The following PRDM11 variants were observed in gnomAD, a reference collection of about 807,000 sequenced individuals.
PRDM11 encodes the protein PR domain-containing protein 11.
A neutral mutation model predicts 97.8 loss-of-function variants in PRDM11; 20 were observed. That is an observed-to-expected ratio of 0.20 (90% CI 0.14 to 0.30). PRDM11 has a LOEUF of 0.30. PRDM11 is among the 10% of genes least tolerant of loss of function. The pLI is 1.00. For missense variants in PRDM11, 1,139 were observed against 1,555.2 expected, an observed-to-expected ratio of 0.73 and a Z score of 4.50; for synonymous variants, 599 against 637.7, an observed-to-expected ratio of 0.94 and a Z score of 0.91.
At chr11:45,123,272 A>C (rs1228226846) in intron 1 of PRDM11, among the ~76,000 whole-genome samples, 1 of 151,826 alleles carries the variant, frequency 6.6e-6, no homozygotes, top group Non-Finnish European at 1.5e-5. Flanking sequence ...GATTGCAAAA[A>C]TTTTCTCCCA....
upstream of PRDM11, among the ~76,000 whole-genome samples, chr11:45,094,587 AGGGAG>A (rs139677664): frequency 0.11 from 9,241 of 84,738 alleles, 512 homozygotes; most frequent in Middle Eastern, 0.23. Context: ...GGAGAAGGAA[AGGGAG>A]GGGAGGGGAG....
chr11:45,227,093 G>T lies in PRDM11; in HGVS notation c.2468G>T (p.Arg823Leu), dbSNP rs780830634. The T allele has an allele frequency of 6.5e-7, 1 of 1,533,936 alleles. No individual in the cohort carries two copies. Among genetic ancestry groups the T allele is most frequent in the South Asian group, 1.2e-5 (1 of 83,966 alleles). Residue 823 changes from arginine (R) to leucine (L), a missense_variant, in exon 8 of 8, where the codon CGG (arginine) becomes CTG (leucine). Transcript: ENST00000683152. The surrounding 1 kb of genome is among the most constrained non-coding windows in gnomAD (Gnocchi z 8.0). ...CEETEFLGDI[R>L]AVRWIIGEQN... is the part of the protein sequence containing the mutation. ...GAGACAGAGTTCCTGGGCGATATCC[G>T]GGCAGTGCGGTGGATCATCGGCGAG...
At position 45,181,807 on chromosome 11, in the gene PRDM11, C is replaced by T; in HGVS notation, c.41C>T (p.Ala14Val). ...AAGGAGTGCTTGGCCCAGACCAATG[C>T]AGCCGTGGGGGATATGGTGACGGTG... ...NMKECLAQTN[A>V]AVGDMVTVVK... Residue 14 changes from alanine (A) to valine (V), a missense_variant, in exon 2 of 8, where the codon GCA becomes GTA. Around this residue, in one of 2 missense-constraint regions of PRDM11, gnomAD observed 429 missense variants for 510.3 expected, o/e 0.84. Transcript: ENST00000683152. 1 of 1,613,592 alleles carries T rather than the reference C, an allele frequency of 6.2e-7. No individual in the cohort carries two copies. Among genetic ancestry groups the T allele is most frequent in the East Asian group, 2.2e-5 (1 of 44,860 alleles).
At chr11:45,160,017 C>G (rs1851892629) in intron 1 of PRDM11, among the ~76,000 whole-genome samples, 2 of 152,206 alleles carry the variant, frequency 1.3e-5, no homozygotes, top group Non-Finnish European at 2.9e-5. Flanking sequence ...CATTGAAGAT[C>G]CACAACTCCA....
chr11:45,112,650 A>G (rs1029783091), intron 1 of PRDM11, among the ~76,000 whole-genome samples: 1 of 152,206 alleles, frequency 6.6e-6, no homozygotes, highest in Admixed American at 6.5e-5. Context: ...GTAAGGTGGT[A>G]TCTCATTGTG....
intron 1 of PRDM11, among the ~76,000 whole-genome samples, chr11:45,150,992 C>T (rs1565266991): frequency 6.6e-6 from 1 of 152,318 alleles, no homozygotes; most frequent in Non-Finnish European, 1.5e-5. Flanking sequence ...AGAACCCTGG[C>T]AGTCTGAGGC....
In PRDM11 at chr11:45,213,375, G is replaced by A. The variant is rs1294650846; in HGVS notation, c.555-6195G>A. On this transcript the variant is annotated intron_variant, in intron 5 of 7. Coordinates refer to ENST00000683152, the MANE Select transcript of PRDM11 (RefSeq NM_001384648.1). Reference sequence around the variant, plus strand: ...CGCAACAGTGGGGAGCATCCGAATGGAGTCCCACTTTCCAACCTTGGGGCT... The same window carrying A: ...CGCAACAGTGGGGAGCATCCGAATGAAGTCCCACTTTCCAACCTTGGGGCT... 5 of 448,842 alleles carry A rather than the reference G, an allele frequency of 1.1e-5. No individual in the cohort carries two copies. The East Asian group carries it at 3.5e-4, about 32-fold the overall frequency. The allele number at this position is 448,842 out of a possible 1,614,324, so 27.8% of individuals were successfully genotyped here.
chr11:45,189,952 G>A (rs775150119), intron 4 of PRDM11, among the ~76,000 whole-genome samples: 1 of 152,168 alleles, frequency 6.6e-6, no homozygotes, highest in Non-Finnish European at 1.5e-5. Context: ...ACGAGCAGGT[G>A]CTTTTCATGC....
chr11:45,191,759 G>A (rs1852921007), intron 4 of PRDM11, among the ~76,000 whole-genome samples: 1 of 152,016 alleles, frequency 6.6e-6, no homozygotes, highest in African/African-American at 2.4e-5. Flanking sequence ...TGAATGGTAG[G>A]TGTGCAATTG....
chr11:45,098,248 C>G (rs1354768664), intron 1 of PRDM11, among the ~76,000 whole-genome samples: 1 of 152,216 alleles, frequency 6.6e-6, no homozygotes, highest in Non-Finnish European at 1.5e-5. Flanking sequence ...AAGGAAAACT[C>G]ACACAGTGCT....
chr11:45,156,728 A>G (rs957233586), intron 1 of PRDM11, among the ~76,000 whole-genome samples: 4 of 152,176 alleles, frequency 2.6e-5, no homozygotes, highest in Non-Finnish European at 5.9e-5. Context: ...TGGCTTGCTC[A>G]TGGATATGGG....
chr11:45,140,825 C>CT (rs1851386924), intron 1 of PRDM11, among the ~76,000 whole-genome samples: 1 of 152,112 alleles, frequency 6.6e-6, no homozygotes, highest in East Asian at 1.9e-4. Context: ...TAGCAACCCT[C>CT]TACAAGACTG....
chr11:45,175,074 C>T (rs964954857), intron 1 of PRDM11, among the ~76,000 whole-genome samples: 16 of 152,306 alleles, frequency 1.1e-4, no homozygotes, highest in African/African-American at 2.6e-4. Context: ...TCCAGCTTCC[C>T]GGTTATTAAC....
At chr11:45,212,728 T>C (rs1212766628) in intron 5 of PRDM11, 7 of 456,006 alleles carry the variant, frequency 1.5e-5, no homozygotes, top group African/African-American at 1.2e-4. Context: ...TCCACGTCCA[T>C]GCCCAGCAGA....
intron 1 of PRDM11, among the ~76,000 whole-genome samples, chr11:45,179,011 G>A (rs2135729462): frequency 6.6e-6 from 1 of 152,332 alleles, no homozygotes; most frequent in East Asian, 1.9e-4. Context: ...TTTGGTGGCA[G>A]TTGGAGGGGG....
rs561014168 is a variant in PRDM11 at position 45,220,514 on chromosome 11, G to A, written c.742+757G>A. On this transcript the variant is annotated intron_variant, in intron 6 of 7. Transcript: ENST00000683152. ...TACCCATCTTACAGATGTGCAAACC[G>A]AATATCAAATGAATACAGTGATTCA... Among the ~76,000 whole-genome samples the A allele has an allele frequency of 3.3e-5, 5 of 152,268 alleles. No individual in the cohort carries two copies. The East Asian group carries it at 7.7e-4, about 24-fold the overall frequency.
chr11:45,145,589 G>A (rs1851488847), upstream of PRDM11, among the ~76,000 whole-genome samples: 1 of 152,180 alleles, frequency 6.6e-6, no homozygotes, highest in South Asian at 2.1e-4. Flanking sequence ...GCCTCGCCCA[G>A]GTGCCTTCCT....
At chr11:45,182,759 G>A in intron 3 of PRDM11, 102 bp from the exon 4 acceptor site, 2 of 1,377,406 alleles carry the variant, frequency 1.5e-6, no homozygotes, top group Non-Finnish European at 9.9e-7. Flanking sequence ...CCTGCAGCTG[G>A]CTGTCCATGA....
At chr11:45,172,283 T>G (rs554894622) in intron 1 of PRDM11, among the ~76,000 whole-genome samples, 2 of 152,316 alleles carry the variant, frequency 1.3e-5, no homozygotes, top group East Asian at 1.9e-4. Context: ...AGAAGTTTTC[T>G]AAATCTCCTT....
Sources: gnomAD v4.1 joint callset for allele counts (sites outside exome capture counted in the v4.1 genomes callset) on GRCh38, gnomAD v4.1.1 for gene constraint, gnomAD v4.1.1 regional missense constraint, Gnocchi (gnomAD v3.1) non-coding constraint, MANE v1.5 for transcripts, NCBI Gene and HGNC (gene_info 2026-07-23, HGNC 2026-07-21) for gene names.